The following ST6GALNAC3 variants were observed in gnomAD, a reference collection of about 807,000 sequenced individuals.
The protein encoded by ST6GALNAC3 is alpha-N-acetylgalactosaminide alpha-2,6-sialyltransferase 3.
Under a neutral mutation model 32.7 loss-of-function variants are expected in ST6GALNAC3, and 25 were observed. The observed-to-expected ratio is 0.76, with a 90% confidence interval of 0.56 to 1.07. ST6GALNAC3 has a LOEUF of 1.07. ST6GALNAC3 is among the 50% of genes least tolerant of loss of function. The pLI, the probability that ST6GALNAC3 is intolerant of heterozygous loss-of-function variation, is 0.00. For missense variants in ST6GALNAC3, 355 were observed against 382.4 expected (o/e 0.93, Z 0.60); for synonymous variants, 129 against 133.1 (o/e 0.97, Z 0.21).
chr1:76,413,695 A>G (rs1202040874), intron 3 of ST6GALNAC3, among the ~76,000 whole-genome samples: 2 of 152,260 alleles, frequency 1.3e-5, no homozygotes, highest in Admixed American at 1.3e-4. Flanking sequence ...CTCGGACTGT[A>G]TGAGTTAGCA....
At chr1:76,448,644 G>A (rs1444010960) in intron 3 of ST6GALNAC3, among the ~76,000 whole-genome samples, 3 of 152,096 alleles carry the variant, frequency 2.0e-5, no homozygotes, top group African/African-American at 7.2e-5. Context: ...TGCTGTTCTG[G>A]TGATAGTAAA....
At chr1:76,530,952 A>G (rs1430052459) in intron 3 of ST6GALNAC3, among the ~76,000 whole-genome samples, 2 of 152,228 alleles carry the variant, frequency 1.3e-5, no homozygotes, top group African/African-American at 2.4e-5. Flanking sequence ...AATTGTGGCT[A>G]TCCTCGTAGC....
intron 2 of ST6GALNAC3, among the ~76,000 whole-genome samples, chr1:76,370,136 C>T (rs12409247): frequency 0.053 from 8,114 of 152,186 alleles, 266 homozygotes; most frequent in African/African-American, 0.092. Flanking sequence ...AATGTGGCCA[C>T]CTCGTTGAGC....
chr1:76,591,908 T>C (rs1286904803), intron 3 of ST6GALNAC3, among the ~76,000 whole-genome samples: 2 of 152,162 alleles, frequency 1.3e-5, no homozygotes, highest in African/African-American at 4.8e-5. Context: ...ATAATAAATA[T>C]CTATCTAATT....
At chr1:76,338,539 A>G (rs904154993) in intron 2 of ST6GALNAC3, among the ~76,000 whole-genome samples, 23 of 152,192 alleles carry the variant, frequency 1.5e-4, no homozygotes, top group Non-Finnish European at 3.4e-4. Context: ...CTTCCTCTAT[A>G]GCAATACTCC....
intron 1 of ST6GALNAC3, among the ~76,000 whole-genome samples, chr1:76,240,444 C>G (rs772466390): frequency 6.6e-6 from 1 of 152,218 alleles, no homozygotes; most frequent in African/African-American, 2.4e-5. Flanking sequence ...CCCCTTTAGT[C>G]TGATCATGTC....
intron 3 of ST6GALNAC3, among the ~76,000 whole-genome samples, chr1:76,522,491 C>T (rs1462424511): frequency 1.3e-5 from 2 of 152,006 alleles, no homozygotes; most frequent in Non-Finnish European, 2.9e-5. Context: ...TGTGTTTCCA[C>T]TTGGGTCTTT....
intron 2 of ST6GALNAC3, among the ~76,000 whole-genome samples, chr1:76,396,275 G>A (rs1313496700): frequency 6.6e-6 from 1 of 152,028 alleles, no homozygotes; most frequent in Non-Finnish European, 1.5e-5. Context: ...GACCAGCCTG[G>A]GCAACATGGC....
Position 76,629,703 on chromosome 1 carries a change from A to C in ST6GALNAC3, c.*897A>C, listed in dbSNP as rs1570491038. On this transcript the variant is annotated 3_prime_UTR_variant, in exon 5 of 5. Coordinates refer to ENST00000328299, the MANE Select transcript of ST6GALNAC3 (RefSeq NM_152996.4). ...TGCTAACTCTGCTTCAACATCCAAC[A>C]ACACAAAACTATATGATTTTTAAAA... is the stretch of plus-strand genomic sequence containing the variant. The C allele has an allele frequency of 1.0e-6, 1 of 985,146 alleles. No individual in the cohort carries two copies. Among genetic ancestry groups the C allele is most frequent in the Admixed American group, 6.2e-5 (1 of 16,226 alleles). 61.0% of individuals were successfully genotyped at this position (985,146 alleles called of 1,614,324 possible).
intron 3 of ST6GALNAC3, among the ~76,000 whole-genome samples, chr1:76,429,571 A>C (rs1655613773): frequency 1.3e-5 from 2 of 152,158 alleles, no homozygotes; most frequent in African/African-American, 4.8e-5. Flanking sequence ...CATTACATAC[A>C]TCATATTGAA....
intron 1 of ST6GALNAC3, among the ~76,000 whole-genome samples, chr1:76,162,298 T>C (rs1286079220): frequency 6.6e-6 from 1 of 152,242 alleles, no homozygotes; most frequent in Non-Finnish European, 1.5e-5. Context: ...AATGTTTAAT[T>C]TGAATCTGTT....
chr1:76,156,299 T>G (rs1267204678), intron 1 of ST6GALNAC3, among the ~76,000 whole-genome samples: 1 of 148,370 alleles, frequency 6.7e-6, no homozygotes, highest in African/African-American at 2.4e-5. Flanking sequence ...CCCTCTCCTT[T>G]TTTTATACTG....
intron 1 of ST6GALNAC3, among the ~76,000 whole-genome samples, chr1:76,112,425 C>T (rs1342215402): frequency 1.4e-5 from 2 of 145,252 alleles, no homozygotes; most frequent in Admixed American, 1.3e-4. Context: ...GGGGGCTAAC[C>T]CCCCGACCTC....
intron 2 of ST6GALNAC3, among the ~76,000 whole-genome samples, chr1:76,325,510 T>C (rs1647050932): frequency 6.6e-6 from 1 of 151,932 alleles, no homozygotes; most frequent in African/African-American, 2.4e-5. Context: ...AGAAAGTAAA[T>C]AACTTTTTGG....
At chr1:76,120,925 T>A (rs1648833800) in intron 1 of ST6GALNAC3, among the ~76,000 whole-genome samples, 1 of 152,180 alleles carries the variant, frequency 6.6e-6, no homozygotes, top group African/African-American at 2.4e-5. Flanking sequence ...CAGAGGAAAC[T>A]GTTGTCTTGC....
chr1:76,183,631 A>G (rs528147629), intron 1 of ST6GALNAC3, among the ~76,000 whole-genome samples: 3 of 152,022 alleles, frequency 2.0e-5, no homozygotes, highest in South Asian at 4.2e-4. Flanking sequence ...AGCCTACTAC[A>G]TCATACCTAG....
intron 1 of ST6GALNAC3, among the ~76,000 whole-genome samples, chr1:76,077,391 G>C (rs1013887959): frequency 5.9e-5 from 9 of 151,930 alleles, no homozygotes; most frequent in Non-Finnish European, 1.0e-4. Context: ...ACTGACAAAA[G>C]GCATATTAAC....
intron 3 of ST6GALNAC3, among the ~76,000 whole-genome samples, chr1:76,441,815 G>A (rs1327159231): frequency 1.3e-5 from 2 of 151,950 alleles, no homozygotes; most frequent in Non-Finnish European, 2.9e-5. Flanking sequence ...CCTGCACTGA[G>A]AGCACCCAAA....
intron 1 of ST6GALNAC3, among the ~76,000 whole-genome samples, chr1:76,115,034 A>G (rs1371726970): frequency 1.3e-5 from 2 of 152,236 alleles, no homozygotes; most frequent in Non-Finnish European, 2.9e-5. Context: ...CATACCCACA[A>G]TAGCCAGTAA....
Sources: gnomAD v4.1 joint callset for allele counts (sites outside exome capture counted in the v4.1 genomes callset) on GRCh38, gnomAD v4.1.1 for gene constraint, MANE v1.5 for transcripts, NCBI Gene and HGNC (gene_info 2026-07-23, HGNC 2026-07-21) for gene names.